Variants in NUP133 observed in about 807,000 individuals in gnomAD.
NUP133 encodes nuclear pore complex protein Nup133.
NUP133 carries 66 observed loss-of-function variants against 146.2 expected under a neutral mutation model. The ratio of observed to expected loss-of-function variants is 0.45; its 90% CI spans 0.37 to 0.55. The LOEUF is 0.55. NUP133 is among the 20% of genes least tolerant of loss of function. The pLI, the probability that NUP133 is intolerant of heterozygous loss-of-function variation, is 0.00. For synonymous variants in NUP133, 521 were observed against 498.8 expected (o/e 1.04, Z -0.59); for missense variants, 1,277 against 1,374.8 (o/e 0.93, Z 1.12).
chr1:229,484,127 T>C lies in NUP133; in HGVS notation c.1519A>G (p.Thr507Ala). Reference sequence around the variant, plus strand: ...TGGGCTATAGTTTCATTCTTTGTAGTGGTCTCAAAAATCATACTCTGCAAA... The same window carrying C: ...TGGGCTATAGTTTCATTCTTTGTAGCGGTCTCAAAAATCATACTCTGCAAA... ...PNSESMIFET[T>A]TKNETIAQED... Residue 507 changes from threonine (T) to alanine (A), a missense_variant, in exon 12 of 26, where the codon ACT becomes GCT. Physicochemically the swap from Thr to Ala is moderately conservative, Grantham distance 58. Transcript: ENST00000261396. 1 of 1,612,796 alleles carries C rather than the reference T, an allele frequency of 6.2e-7. No homozygotes were observed. Among genetic ancestry groups the C allele is most frequent in the Non-Finnish European group, 8.5e-7 (1 of 1,179,212 alleles).
intron 8 of NUP133, among the ~76,000 whole-genome samples, chr1:229,494,158 T>C (rs1409927649): frequency 6.6e-6 from 1 of 151,782 alleles, no homozygotes; most frequent in Admixed American, 6.6e-5. Flanking sequence ...AAAAGAAAAA[T>C]GTCTGTATTA....
Position 229,498,206 on chromosome 1 carries a change from C to T in NUP133, c.749G>A (p.Gly250Asp). ...IHQHILPQGQ[G>D]MLSGIGRKVS... The stretch of plus-strand genomic sequence containing the variant: ...TTTTCGACCAATTCCTGAAAGCATG[C>T]CTTGCCCCTGAGGCAGGATATGCTG... Residue 250 changes from glycine (G) to aspartate (D), a missense_variant, in exon 6 of 26, where the codon GGC becomes GAC. Gly to Asp is a moderately conservative substitution (Grantham distance 94). This residue lies in a region of NUP133 where 6 missense variants were observed against 20.9 expected (regional missense o/e 0.29). Transcript: ENST00000261396. 6.2e-7 allele frequency: 1 copy of T among 1,613,380 alleles called. No homozygotes were observed. Among genetic ancestry groups the T allele is most frequent in the Admixed American group, 1.7e-5 (1 of 59,834 alleles).
At chr1:229,476,854 G>A (rs1661086247) in intron 13 of NUP133, among the ~76,000 whole-genome samples, 1 of 151,172 alleles carries the variant, frequency 6.6e-6, no homozygotes, top group East Asian at 1.9e-4. Flanking sequence ...AACCCAGGAG[G>A]TGGAGGTTGC....
chr1:229,503,726 T>A (rs1328066447), intron 2 of NUP133, among the ~76,000 whole-genome samples: 1 of 152,232 alleles, frequency 6.6e-6, no homozygotes, highest in Non-Finnish European at 1.5e-5. Context: ...TTGAAAGCAC[T>A]ACAACTCCAG....
At chr1:229,471,540 T>G (rs1417453911) in intron 14 of NUP133, among the ~76,000 whole-genome samples, 1 of 151,944 alleles carries the variant, frequency 6.6e-6, no homozygotes, top group Non-Finnish European at 1.5e-5. Context: ...GCTGGGAGGG[T>G]GGGGGTGTCT....
chr1:229,487,156 A>G (rs1194464482), intron 10 of NUP133, among the ~76,000 whole-genome samples: 1 of 152,030 alleles, frequency 6.6e-6, no homozygotes, highest in East Asian at 1.9e-4. Flanking sequence ...TAAAGCATCA[A>G]CTCAGAATAT....
chr1:229,462,003 C>A (rs1325013717), intron 19 of NUP133, among the ~76,000 whole-genome samples: 1 of 152,002 alleles, frequency 6.6e-6, no homozygotes, highest in South Asian at 2.1e-4. Context: ...CCTGCCTCAA[C>A]CTCCAGAACA....
chr1:229,452,448 CTAT>C, intron 22 of NUP133, 74 bp downstream of exon 22: 4 of 1,063,102 alleles, frequency 3.8e-6, no homozygotes, highest in Non-Finnish European at 5.4e-6. Context: ...CTCTTAGGAA[CTAT>C]ACTACATGGC....
intron 24 of NUP133, among the ~76,000 whole-genome samples, chr1:229,446,420 A>C (rs1660304598): frequency 6.6e-6 from 1 of 151,714 alleles, no homozygotes; most frequent in African/African-American, 2.4e-5. Flanking sequence ...AAAACAAAAA[A>C]CAAAACGAAC....
chr1:229,504,487 T>C (rs1356562804), intron 2 of NUP133, among the ~76,000 whole-genome samples: 1 of 152,212 alleles, frequency 6.6e-6, no homozygotes, highest in African/African-American at 2.4e-5. Context: ...TTGTGTTGAT[T>C]GTATCTGTCA....
At chr1:229,474,965 C>T (rs930077553) in intron 14 of NUP133, among the ~76,000 whole-genome samples, 2 of 151,986 alleles carry the variant, frequency 1.3e-5, no homozygotes, top group African/African-American at 4.8e-5. Context: ...ATTATATGGG[C>T]ATGGTGGCAC....
chr1:229,482,473 A>T (rs546348755), intron 12 of NUP133, among the ~76,000 whole-genome samples: 141 of 152,350 alleles, frequency 9.3e-4, no homozygotes, highest in Middle Eastern at 3.4e-3. Flanking sequence ...GCATCTGTCC[A>T]AAGTTTCCCA....
In NUP133 at chr1:229,496,028, T is replaced by A. The variant is rs781454119; in HGVS notation, c.839A>T (p.Asp280Val). ...GCTATAAAAGCTTGATCTCTCTCTA[T>A]CCCAGAGAACACTTGAAAGCTATTC... ...SDLTLSSVLW[D>V]RERSSFYSLT... Residue 280 changes from aspartate (D) to valine (V), a missense_variant, in exon 7 of 26, where the codon GAT becomes GTT. Physicochemically the swap from Asp to Val is radical, Grantham distance 152 (BLOSUM62 -3). Transcript: ENST00000261396. 13 of 1,589,736 alleles carry A rather than the reference T, an allele frequency of 8.2e-6. No homozygotes were observed. In the Admixed American group the frequency reaches 9.4e-5, roughly 12 times the overall value.
rs757542733 is a variant in NUP133, at chr1:229,458,182, T to C, written c.2959A>G (p.Met987Val). Residue 987 changes from methionine to valine, a missense_variant, in exon 21 of 26, where the codon ATG (methionine) becomes GTG (valine). By Grantham distance (21) the Met-to-Val change is conservative. Around this residue, in one of 3 missense-constraint regions of NUP133, gnomAD observed 952 missense variants for 1,047.0 expected, o/e 0.91. Transcript: ENST00000261396. ...TCACCTTCAATTTTTTCTTGTAGCA[T>C]ATCCTCTGAAAAGTCTGAAGCTAAT... ...AALASDFSED[M>V]LQEKIEEMAE... 12 of 1,612,334 alleles carry C rather than the reference T, an allele frequency of 7.4e-6. No homozygotes were observed. The highest frequency in any genetic ancestry group is 9.3e-6 in the Non-Finnish European group (11 of 1,179,174).
chr1:229,452,768 C>G (rs1432481426), intron 21 of NUP133, 125 bp from the exon 22 acceptor site: 1 of 601,646 alleles, frequency 1.7e-6, no homozygotes, highest in African/African-American at 1.9e-5. Flanking sequence ...GTAAACCTAT[C>G]TTTATTCAAT....
At chr1:229,467,256 G>A (rs1007078487) in intron 15 of NUP133, among the ~76,000 whole-genome samples, 2 of 152,150 alleles carry the variant, frequency 1.3e-5, no homozygotes, top group Admixed American at 6.5e-5. Context: ...CTCTTCCTTT[G>A]TCATTAATTA....
intron 4 of NUP133, among the ~76,000 whole-genome samples, chr1:229,500,220 TATTTTA>T (rs1487840205): frequency 2.0e-5 from 3 of 152,082 alleles, no homozygotes; most frequent in African/African-American, 7.2e-5. Context: ...ATTTTTATTT[TATTTTA>T]ATTTTATTAT....
intron 5 of NUP133, chr1:229,499,043 C>A: frequency 2.6e-6 from 1 of 386,058 alleles, no homozygotes; most frequent in Non-Finnish European, 5.2e-6. Context: ...GGACTACAGG[C>A]ACACACCACT....
rs1661286592 is a variant in NUP133 at position 229,484,069 on chromosome 1, A to G, written c.1577T>C (p.Phe526Ser). Residue 526 changes from phenylalanine to serine, a missense_variant, in exon 12 of 26, where the codon TTT becomes TCT. Phe to Ser is a radical substitution (Grantham distance 155). Around this residue, in one of 3 missense-constraint regions of NUP133, gnomAD observed 952 missense variants for 1,047.0 expected, o/e 0.91. Coordinates refer to ENST00000261396, the MANE Select transcript of NUP133 (RefSeq NM_018230.3). ...CATGTTATACCTGCAGTATTGCAGA[A>G]AGGCAGCTTTCAGCAACTTGATTTT... is the stretch of plus-strand genomic sequence containing the variant. ...EDKIKLLKAA[F>S]LQYCRKDLGH... 6.2e-7 allele frequency: 1 copy of G among 1,612,104 alleles called. No homozygotes were observed. The highest frequency in any genetic ancestry group is 2.2e-5 in the East Asian group (1 of 44,840).
Sources: allele counts gnomAD v4.1 joint callset (sites outside exome capture counted in the v4.1 genomes callset), GRCh38; gene constraint gnomAD v4.1.1; regional missense constraint gnomAD v4.1.1; transcripts MANE v1.5; gene names NCBI Gene and HGNC (gene_info 2026-07-23, HGNC 2026-07-21).